Variants in WARS2 observed in about 807,000 individuals in gnomAD.
The protein encoded by WARS2 is tryptophan--tRNA ligase, mitochondrial.
Under a neutral mutation model 36.5 loss-of-function variants are expected in WARS2, and 28 were observed. That is an observed-to-expected ratio of 0.77 (90% CI 0.57 to 1.05). The LOEUF (loss-of-function observed/expected upper bound fraction) is 1.05, where lower values mean the gene tolerates loss of function less well. Among genes scored for constraint, WARS2 ranks in the 50% least tolerant of loss-of-function variants. WARS2 has a pLI of 0.00. For synonymous variants in WARS2, 174 were observed against 178.4 expected, an observed-to-expected ratio of 0.98 and a Z score of 0.20; for missense variants, 435 against 456.8, an observed-to-expected ratio of 0.95 and a Z score of 0.44.
chr1:119,061,545 G>C (rs1324671606), intron 2 of WARS2, among the ~76,000 whole-genome samples: 1 of 152,108 alleles, frequency 6.6e-6, no homozygotes, highest in East Asian at 1.9e-4. Flanking sequence ...GAAAATAAAG[G>C]AACATAGTCT....
chr1:119,106,052 T>C (rs767461198), intron 1 of WARS2, among the ~76,000 whole-genome samples: 2 of 152,086 alleles, frequency 1.3e-5, no homozygotes, highest in Non-Finnish European at 2.9e-5. Context: ...GAAAGATAGG[T>C]AGGAAATAGG....
intron 1 of WARS2, among the ~76,000 whole-genome samples, chr1:119,126,332 A>G (rs1409110229): frequency 1.3e-5 from 2 of 152,152 alleles, no homozygotes; most frequent in Admixed American, 6.6e-5. Context: ...TACAATTTCT[A>G]ATTTCAATTA....
intron 1 of WARS2, among the ~76,000 whole-genome samples, chr1:119,132,033 G>A (rs908759101): frequency 6.6e-6 from 1 of 152,114 alleles, no homozygotes. Context: ...GGACCTACCA[G>A]GTGCTGTGCA....
intron 1 of WARS2, chr1:119,085,959 A>G: frequency 6.2e-7 from 1 of 1,609,812 alleles, no homozygotes; most frequent in Non-Finnish European, 8.5e-7. Context: ...GTTCATCTCC[A>G]CGGGCCCAAA....
intron 1 of WARS2, 95 bp from the exon 2 acceptor site, chr1:119,076,702 T>C: frequency 6.6e-7 from 1 of 1,524,102 alleles, no homozygotes; most frequent in Non-Finnish European, 8.8e-7. Context: ...AGTTATATTT[T>C]TGTAAACTAC....
At chr1:119,055,983 A>G (rs999785845) in intron 2 of WARS2, among the ~76,000 whole-genome samples, 2 of 151,800 alleles carry the variant, frequency 1.3e-5, no homozygotes, top group African/African-American at 4.8e-5. Context: ...ACATGATTCA[A>G]AGATCAGATG....
At chr1:119,076,277 T>C in intron 2 of WARS2, 73 bp downstream of exon 2, 1 of 1,565,630 alleles carries the variant, frequency 6.4e-7, no homozygotes, top group South Asian at 1.2e-5. Flanking sequence ...AGGGGCTGTA[T>C]GAACCATTCA....
At chr1:119,136,571 G>A (rs587656515) in intron 1 of WARS2, among the ~76,000 whole-genome samples, 1 of 152,236 alleles carries the variant, frequency 6.6e-6, no homozygotes, top group African/African-American at 2.4e-5. Context: ...TAATCAACTA[G>A]CAAAATTCCC....
rs2101090279 is a variant in WARS2 at position 119,031,819 on chromosome 1, T to G, written c.*1092A>C. 1.3e-5 allele frequency: 2 copies of G among 152,552 alleles called. No homozygotes were observed. The highest frequency in any genetic ancestry group is 6.8e-3 in the Middle Eastern group (2 of 294). The allele number at this position is 152,552 out of a possible 1,614,324, so 9.4% of individuals were successfully genotyped here. On this transcript the variant is annotated 3_prime_UTR_variant, in exon 6 of 6. Transcript: ENST00000235521. ...CTGGCAGAACCTATTTCAAAGTATT[T>G]CTGCAATGAGCGTAGAGGAGAGAAC... is the stretch of plus-strand genomic sequence containing the variant.
intron 1 of WARS2, among the ~76,000 whole-genome samples, chr1:119,084,464 A>G (rs929853804): frequency 6.6e-6 from 1 of 152,244 alleles, no homozygotes; most frequent in Non-Finnish European, 1.5e-5. Context: ...ATACAAATAA[A>G]TAATAAATAC....
intron 5 of WARS2, 29 bp from the exon 6 acceptor site, chr1:119,033,388 C>A (rs767879137): frequency 4.3e-6 from 7 of 1,611,382 alleles, no homozygotes; most frequent in Non-Finnish European, 5.1e-6. Flanking sequence ...CACACACATA[C>A]CCAAAACAAA....
chr1:119,073,008 G>A (rs1050444594), intron 2 of WARS2, among the ~76,000 whole-genome samples: 7 of 151,980 alleles, frequency 4.6e-5, no homozygotes, highest in Non-Finnish European at 8.8e-5. Context: ...AAAGCCAGGT[G>A]TGGTAGAATA....
At chr1:119,066,224 T>C (rs976414272) in intron 2 of WARS2, among the ~76,000 whole-genome samples, 3 of 152,132 alleles carry the variant, frequency 2.0e-5, no homozygotes, top group Non-Finnish European at 4.4e-5. Flanking sequence ...ACGCCTGTAA[T>C]CCCAGCACTT....
chr1:119,131,366 T>G (rs1417659149), intron 1 of WARS2, among the ~76,000 whole-genome samples: 1 of 152,078 alleles, frequency 6.6e-6, no homozygotes, highest in Non-Finnish European at 1.5e-5. Context: ...CCGAGGAAAC[T>G]TGGAAATTTT....
chr1:119,135,989 C>G (rs981000534), intron 1 of WARS2, among the ~76,000 whole-genome samples: 4 of 152,132 alleles, frequency 2.6e-5, no homozygotes, highest in African/African-American at 9.7e-5. Flanking sequence ...CCAGGTTGGT[C>G]TGAAATTCCT....
chr1:119,032,861 A>G lies in WARS2; in HGVS notation c.*50T>C. On this transcript the variant is annotated 3_prime_UTR_variant, in exon 6 of 6. Transcript: ENST00000235521. ...TTTTAGGAAAGCTGCCGTTATCAGA[A>G]TGCATGGAGTGCAAGGCACAAAAGC... is the stretch of plus-strand genomic sequence containing the variant. The G allele has an allele frequency of 2.0e-6, 3 of 1,512,212 alleles. No individual in the cohort carries two copies. The highest frequency in any genetic ancestry group is 2.7e-6 in the Non-Finnish European group (3 of 1,116,338). The allele number at this position is 1,512,212 out of a possible 1,614,324, so 93.7% of individuals were successfully genotyped here. A position where few individuals can be genotyped will look rare whatever the true frequency, so the allele number is the denominator to read the frequency against.
intron 1 of WARS2, among the ~76,000 whole-genome samples, chr1:119,130,883 G>C (rs1571405204): frequency 1.3e-5 from 2 of 152,080 alleles, no homozygotes; most frequent in Non-Finnish European, 2.9e-5. Flanking sequence ...TTCATGACTG[G>C]TGGTGGCCTC....
chr1:119,094,570 A>G (rs587646846), intron 1 of WARS2, among the ~76,000 whole-genome samples: 2 of 152,280 alleles, frequency 1.3e-5, no homozygotes, highest in South Asian at 2.1e-4. Flanking sequence ...ATGTTATTGT[A>G]TATATTTAAG....
intron 1 of WARS2, chr1:119,126,446 T>G: frequency 2.6e-6 from 1 of 383,110 alleles, no homozygotes; most frequent in Non-Finnish European, 4.8e-6. Context: ...GATTGAATTC[T>G]CACACTCATG....
Sources: allele counts gnomAD v4.1 joint callset (sites outside exome capture counted in the v4.1 genomes callset), GRCh38; gene constraint gnomAD v4.1.1; transcripts MANE v1.5; gene names NCBI Gene and HGNC (gene_info 2026-07-23, HGNC 2026-07-21).